Variants in POTEM observed in about 807,000 individuals in gnomAD.
POTEM encodes the protein POTE ankyrin domain family member M, also known as putative POTE ankyrin domain family member M.
For synonymous variants in POTEM, 8 were observed against 113.2 expected (o/e 0.07, Z 5.90); for missense variants, 24 against 343.0 (o/e 0.07, Z 7.35).
At chr14:18,969,376 TATACACAA>T (rs1566537826) in intron 1 of POTEM, among the ~76,000 whole-genome samples, 3 of 128,892 alleles carry the variant, frequency 2.3e-5, no homozygotes, top group Admixed American at 1.4e-4. Flanking sequence ...TATATATATA[TATACACAA>T]AATTTCTTTT....
At chr14:18,982,808 C>T (rs1309065316) in intron 6 of POTEM, among the ~76,000 whole-genome samples, 5 of 60,126 alleles carry the variant, frequency 8.3e-5, no homozygotes, top group Middle Eastern at 9.3e-3. Flanking sequence ...ATTTTTTTCC[C>T]GTAAGAAATA....
intron 1 of POTEM, among the ~76,000 whole-genome samples, chr14:18,969,367 A>G (rs1465585076): frequency 8.9e-5 from 12 of 134,470 alleles, no homozygotes; most frequent in Non-Finnish European, 1.9e-4. Context: ...GTATATATAT[A>G]TATATATATA....
intron 1 of POTEM, among the ~76,000 whole-genome samples, chr14:18,968,936 G>GT (rs1199835492): frequency 6.7e-6 from 1 of 149,348 alleles, no homozygotes; most frequent in African/African-American, 2.4e-5. Flanking sequence ...ATTGTGCTAA[G>GT]TTAATTTTTT....
At chr14:18,985,808 G>C (rs1891167771) in intron 7 of POTEM, among the ~76,000 whole-genome samples, 1 of 144,526 alleles carries the variant, frequency 6.9e-6, no homozygotes, top group Non-Finnish European at 1.5e-5. Flanking sequence ...AGGAGGCTGA[G>C]GCAGGAGAAT....
At chr14:18,969,458 C>T (rs1350086349) in intron 1 of POTEM, among the ~76,000 whole-genome samples, 2 of 106,952 alleles carry the variant, frequency 1.9e-5, no homozygotes, top group Non-Finnish European at 3.7e-5. Context: ...TCTCGGCTCA[C>T]TGCAACCTCT....
chr14:18,969,357 G>GTATA (rs201392796), intron 1 of POTEM, among the ~76,000 whole-genome samples: 12,826 of 102,898 alleles, frequency 0.12, 610 homozygotes, highest in African/African-American at 0.22. Context: ...ATATACATGT[G>GTATA]TATATATATA....
At chr14:18,969,373 A>ATATT (rs1555341486) in intron 1 of POTEM, among the ~76,000 whole-genome samples, 4 of 133,144 alleles carry the variant, frequency 3.0e-5, no homozygotes, top group African/African-American at 1.2e-4. Context: ...ATATATATAT[A>ATATT]TATATACACA....
chr14:18,981,938 GTTGTT>G lies in POTEM; in HGVS notation c.1126+1801_1126+1805del, dbSNP rs1168232191. On this transcript the variant is annotated intron_variant, in intron 6 of 10. Coordinates refer to ENST00000547889, the MANE Select transcript of POTEM (RefSeq NM_001145442.1). ...GGTGGCTAAAACAGTAGGAACCAGA[GTTGTT>G]TTGTTTGTTCATTGATATCCTAGGA... Among the ~76,000 whole-genome samples, 35 of 148,366 alleles carry G rather than the reference GTTGTT, an allele frequency of 2.4e-4. No homozygotes were observed. The East Asian group carries it at 6.0e-3, about 26-fold the overall frequency.
chr14:19,002,952 A>T lies in POTEM; in HGVS notation c.*4287A>T, dbSNP rs1398984495. ...AGCCCATAATTTCATGTCCAGCAAAATTAGGCATCATAAGTGAAGGAGAAA... is the reference window on the plus strand; with the variant it reads ...AGCCCATAATTTCATGTCCAGCAAATTTAGGCATCATAAGTGAAGGAGAAA... On this transcript the variant is annotated 3_prime_UTR_variant, in exon 11 of 11. Coordinates refer to ENST00000547889, the MANE Select transcript of POTEM (RefSeq NM_001145442.1). Among the ~76,000 whole-genome samples, 3 of 152,234 alleles carry T rather than the reference A, an allele frequency of 2.0e-5. No individual in the cohort carries two copies. The highest frequency in any genetic ancestry group is 7.2e-5 in the African/African-American group (3 of 41,446).
chr14:18,996,282 C>T (rs1209052440), intron 9 of POTEM, among the ~76,000 whole-genome samples: 1 of 150,360 alleles, frequency 6.7e-6, no homozygotes, highest in Non-Finnish European at 1.5e-5. Context: ...TAATATTAGA[C>T]CCTGTCTTGT....
intron 1 of POTEM, among the ~76,000 whole-genome samples, chr14:18,969,410 TCTCA>T (rs1234335170): frequency 4.8e-5 from 6 of 123,906 alleles, no homozygotes; most frequent in East Asian, 4.5e-4. Flanking sequence ...TTTGATGGAG[TCTCA>T]CTCTGTTGCC....
At chr14:18,968,313 T>C (rs1354582175) in intron 1 of POTEM, among the ~76,000 whole-genome samples, 2 of 152,406 alleles carry the variant, frequency 1.3e-5, no homozygotes, top group East Asian at 1.9e-4. Flanking sequence ...TTTAAAACAA[T>C]GTTCTATACG....
intron 6 of POTEM, among the ~76,000 whole-genome samples, chr14:18,981,589 G>A (rs1891082334): frequency 6.6e-6 from 1 of 151,556 alleles, no homozygotes; most frequent in Non-Finnish European, 1.5e-5. Flanking sequence ...AGGTAAAGAA[G>A]CAGAAGAATA....
intron 7 of POTEM, among the ~76,000 whole-genome samples, chr14:18,986,073 A>C (rs1313296811): frequency 3.8e-5 from 5 of 131,142 alleles, no homozygotes; most frequent in African/African-American, 1.6e-4. Context: ...AAATATTCTT[A>C]TCTGCCTTCT....
intron 9 of POTEM, among the ~76,000 whole-genome samples, 200 bp from the exon 10 acceptor site, chr14:18,996,840 GA>G (rs1175204587): frequency 6.6e-6 from 1 of 152,202 alleles, no homozygotes; most frequent in Non-Finnish European, 1.5e-5. Context: ...CAGGTTCCTG[GA>G]AAAATTATCT....
chr14:18,968,275 T>C (rs1441694587), intron 1 of POTEM, among the ~76,000 whole-genome samples: 1 of 152,288 alleles, frequency 6.6e-6, no homozygotes, highest in African/African-American at 2.4e-5. Context: ...ACATTGTCGA[T>C]GCAGCAGATT....
intron 1 of POTEM, among the ~76,000 whole-genome samples, chr14:18,968,208 A>G (rs1890807822): frequency 1.3e-5 from 2 of 152,234 alleles, no homozygotes; most frequent in Non-Finnish European, 2.9e-5. Flanking sequence ...TTTCCAATCA[A>G]ATTATAATTT....
intron 5 of POTEM, chr14:18,978,336 T>TC (rs1462414072): frequency 9.4e-6 from 1 of 106,082 alleles, no homozygotes; most frequent in South Asian, 3.8e-4. Context: ...AATTGACCCT[T>TC]CCCCCCATAT....
chr14:18,990,888 CA>C (rs1199908246), intron 9 of POTEM, among the ~76,000 whole-genome samples: 7 of 36,984 alleles, frequency 1.9e-4, no homozygotes, highest in Admixed American at 3.4e-4. Context: ...TTTCTCATGA[CA>C]TTTTTTTTTT....
Sources: gnomAD v4.1 joint callset for allele counts (sites outside exome capture counted in the v4.1 genomes callset) on GRCh38, gnomAD v4.1.1 for gene constraint, MANE v1.5 for transcripts, NCBI Gene and HGNC (gene_info 2026-07-23, HGNC 2026-07-21) for gene names.